Variants in GALNT10 observed in about 807,000 individuals in gnomAD.
GALNT10 encodes GalNAc transferase 10.
In GALNT10, 41 loss-of-function variants were observed where a neutral mutation model predicts 75.0. That is an observed-to-expected ratio of 0.55 (90% CI 0.43 to 0.71). GALNT10 has a LOEUF of 0.71. GALNT10 is among the 30% of genes least tolerant of loss of function. The pLI is 0.00. For synonymous variants in GALNT10, 302 were observed against 313.0 expected (o/e 0.96, Z 0.37); for missense variants, 727 against 818.5 (o/e 0.89, Z 1.36).
intron 8 of GALNT10, among the ~76,000 whole-genome samples, chr5:154,406,517 C>T (rs756670682): frequency 2.0e-5 from 3 of 152,176 alleles, no homozygotes; most frequent in Admixed American, 6.5e-5. Context: ...GTTCAGTGGG[C>T]CGGGCGTGGT....
intron 1 of GALNT10, among the ~76,000 whole-genome samples, chr5:154,248,241 A>T (rs1158658408): frequency 3.3e-5 from 5 of 152,182 alleles, no homozygotes; most frequent in African/African-American, 1.2e-4. Context: ...TTTTGCATTG[A>T]TGTTCATCAG....
At chr5:154,311,613 C>CTT (rs67653636) in intron 3 of GALNT10, among the ~76,000 whole-genome samples, 2 of 140,654 alleles carry the variant, frequency 1.4e-5, no homozygotes, top group African/African-American at 5.2e-5. Flanking sequence ...AGAATGGAGA[C>CTT]TTTTTTTTTT....
intron 1 of GALNT10, among the ~76,000 whole-genome samples, chr5:154,195,958 T>C (rs1036430382): frequency 6.6e-6 from 1 of 152,182 alleles, no homozygotes; most frequent in African/African-American, 2.4e-5. Flanking sequence ...GTTTTGCTCT[T>C]GTTGCCCAGG....
rs144995544 is a variant in GALNT10, at chr5:154,191,812, A to G, written c.159+787A>G. On this transcript the variant is annotated intron_variant, in intron 1 of 11. Transcript: ENST00000297107. ...GGATGGAACACCAGAAGCCTTCCCT[A>G]TCTCTTCTGAACTTGTCTAGTCTGG... Among the ~76,000 whole-genome samples, 481 of 152,268 alleles carry G rather than the reference A, an allele frequency of 3.2e-3. 6 individuals are homozygous for G. Among genetic ancestry groups the G allele is most frequent in the African/African-American group, 0.011 (450 of 41,566 alleles).
chr5:154,418,862 A>T lies in GALNT10; in HGVS notation c.*1890A>T, dbSNP rs922635468. On this transcript the variant is annotated 3_prime_UTR_variant, in exon 12 of 12. Coordinates refer to ENST00000297107, the MANE Select transcript of GALNT10 (RefSeq NM_198321.4). ...TGTAGCTTTAGAAGTGGCCCTCTAT[A>T]GAAAGAAGTCAAAAGATGAGGCCCC... 6.6e-6 allele frequency: 1 copy of T among 152,500 alleles called. No homozygotes were observed. Among genetic ancestry groups the T allele is most frequent in the African/African-American group, 2.4e-5 (1 of 41,466 alleles). 9.4% of individuals were successfully genotyped at this position (152,500 alleles called of 1,614,324 possible). A position where few individuals can be genotyped will look rare whatever the true frequency, so the allele number is the denominator to read the frequency against.
In GALNT10 at chr5:154,409,655, C is replaced by T. The variant is rs759599396; in HGVS notation, c.1279C>T (p.Arg427Cys). 1.2e-5 allele frequency: 20 copies of T among 1,613,768 alleles called. No individual in the cohort carries two copies. Among genetic ancestry groups the T allele is most frequent in the Non-Finnish European group, 1.7e-5 (20 of 1,179,774 alleles). ...AGDVAVQKKLRSSLNCKSFKW... is the reference protein window; with the variant it reads ...AGDVAVQKKLCSSLNCKSFKW... The stretch of plus-strand genomic sequence containing the variant: ...GGATGTCGCAGTCCAGAAAAAGCTC[C>T]GCAGCTCCCTTAACTGCAAGAGTTT... The change falls in exon 9 of 12, where the codon CGC (arginine) becomes TGC (cysteine). Residue 427 changes from arginine (R) to cysteine (C), a missense_variant. Coordinates refer to ENST00000297107, the MANE Select transcript of GALNT10 (RefSeq NM_198321.4). This position sits in a 1 kb window ranked among gnomAD's most constrained non-coding sequence, Gnocchi z 4.5.
At chr5:154,363,366 G>T (rs1755420826) in intron 4 of GALNT10, among the ~76,000 whole-genome samples, 1 of 151,860 alleles carries the variant, frequency 6.6e-6, no homozygotes, top group African/African-American at 2.4e-5. Context: ...AGAAAAAGAT[G>T]AAATATCCAG....
chr5:154,248,648 G>A (rs1361989668), intron 1 of GALNT10, among the ~76,000 whole-genome samples: 1 of 152,228 alleles, frequency 6.6e-6, no homozygotes, highest in African/African-American at 2.4e-5. Context: ...TGTGGGATCA[G>A]TGGTGATATC....
intron 1 of GALNT10, among the ~76,000 whole-genome samples, chr5:154,280,906 A>G (rs1219304335): frequency 4.6e-5 from 7 of 151,700 alleles, no homozygotes; most frequent in Admixed American, 3.3e-4. Context: ...GAATTTTCTT[A>G]GTGCCTTTGT....
chr5:154,396,528 A>G (rs1407140881), intron 7 of GALNT10, among the ~76,000 whole-genome samples: 2 of 152,088 alleles, frequency 1.3e-5, no homozygotes, highest in Non-Finnish European at 2.9e-5. Flanking sequence ...TGGAACTCTC[A>G]GATCTGCCTA....
rs1195380271 is a variant in GALNT10 at position 154,417,414 on chromosome 5, G to A, written c.*442G>A. On this transcript the variant is annotated 3_prime_UTR_variant, in exon 12 of 12. Transcript: ENST00000297107. ...ATTTGCCTGTTTGGGGCAGCTTTTA[G>A]TATCGATGCCACTCATCTGCAGCAG... 3 of 157,922 alleles carry A rather than the reference G, an allele frequency of 1.9e-5. No homozygotes were observed. Among genetic ancestry groups the A allele is most frequent in the Non-Finnish European group, 4.2e-5 (3 of 71,514 alleles). The allele number at this position is 157,922 out of a possible 1,614,324, so 9.8% of individuals were successfully genotyped here.
At chr5:154,321,468 CG>C (rs1754672791) in intron 3 of GALNT10, among the ~76,000 whole-genome samples, 1 of 152,042 alleles carries the variant, frequency 6.6e-6, no homozygotes, top group African/African-American at 2.4e-5. Flanking sequence ...CCACTACACC[CG>C]GCTAATTGTT....
intron 1 of GALNT10, among the ~76,000 whole-genome samples, chr5:154,264,001 G>A (rs1357759978): frequency 2.0e-5 from 3 of 152,118 alleles, no homozygotes; most frequent in Non-Finnish European, 2.9e-5. Context: ...TAAATTTTGT[G>A]TTATGTGATT....
chr5:154,255,653 C>G (rs1210455620), intron 1 of GALNT10, among the ~76,000 whole-genome samples: 1 of 152,040 alleles, frequency 6.6e-6, no homozygotes, highest in African/African-American at 2.4e-5. Context: ...GCAGGGTTTC[C>G]TCCCTCCAGG....
intron 1 of GALNT10, among the ~76,000 whole-genome samples, chr5:154,279,089 G>C (rs192983816): frequency 6.6e-6 from 1 of 152,072 alleles, no homozygotes; most frequent in Admixed American, 6.6e-5. Context: ...GGATCATATG[G>C]TAGTTCTACA....
chr5:154,273,539 G>C (rs1753902639), intron 1 of GALNT10, among the ~76,000 whole-genome samples: 1 of 152,142 alleles, frequency 6.6e-6, no homozygotes, highest in Non-Finnish European at 1.5e-5. Context: ...AAATAGCCCT[G>C]AGCCTGGCCA....
intron 4 of GALNT10, among the ~76,000 whole-genome samples, chr5:154,359,739 T>C (rs938060761): frequency 6.6e-6 from 1 of 151,526 alleles, no homozygotes; most frequent in Admixed American, 6.6e-5. Flanking sequence ...TGGAGGCCTG[T>C]CTAGTTTGTG....
chr5:154,243,586 CTG>C (rs10590730), intron 1 of GALNT10, among the ~76,000 whole-genome samples: 27,354 of 152,166 alleles, frequency 0.18, 2,620 homozygotes, highest in African/African-American at 0.22. Flanking sequence ...TTTAACCACT[CTG>C]TGTCTCAGTT....
At chr5:154,206,503 G>A (rs1272922766) in intron 1 of GALNT10, among the ~76,000 whole-genome samples, 2 of 152,220 alleles carry the variant, frequency 1.3e-5, no homozygotes, top group Non-Finnish European at 2.9e-5. Context: ...CATGACGAGT[G>A]TTGCAAGAGG....
Sources: allele counts gnomAD v4.1 joint callset (sites outside exome capture counted in the v4.1 genomes callset), GRCh38; gene constraint gnomAD v4.1.1; non-coding constraint Gnocchi (gnomAD v3.1); transcripts MANE v1.5; gene names NCBI Gene and HGNC (gene_info 2026-07-23, HGNC 2026-07-21).